The following ARL8A variants were observed in gnomAD, a reference collection of about 807,000 sequenced individuals.
ARL8A encodes ARF like GTPase 8A, also known as ADP-ribosylation factor-like protein 8A.
A neutral mutation model predicts 31.2 loss-of-function variants in ARL8A; 10 were observed. That is an observed-to-expected ratio of 0.32 (90% CI 0.20 to 0.54). ARL8A has a LOEUF of 0.54. Among genes scored for constraint, ARL8A ranks in the 20% least tolerant of loss-of-function variants. The probability of loss-of-function intolerance (pLI) is 0.93; values close to 1 mark genes in which losing one functional copy is unlikely to be tolerated. For missense variants in ARL8A, 129 were observed against 242.8 expected (o/e 0.53, Z 3.12); for synonymous variants, 70 against 86.9 (o/e 0.81, Z 1.08).
intron 3 of ARL8A, among the ~76,000 whole-genome samples, chr1:202,136,124 G>A (rs917364992): frequency 6.6e-6 from 1 of 152,112 alleles, no homozygotes; most frequent in Non-Finnish European, 1.5e-5. Flanking sequence ...ATGTTTTCAT[G>A]GAAAGACTAA....
In ARL8A at chr1:202,135,113, CCT is replaced by C. The variant is rs1654968927; in HGVS notation, c.511+35_511+36del. The C allele has an allele frequency of 6.3e-7, 1 of 1,579,698 alleles. No individual in the cohort carries two copies. The highest frequency in any genetic ancestry group is 1.3e-5 in the African/African-American group (1 of 74,122). ...AGAGCCACTAAAACACTCAGAAATG[CCT>C]CTCCCCTCTCCTCCCTTTCCCCCAT... On this transcript the variant is annotated intron_variant, in intron 6 of 6. Coordinates refer to ENST00000272217, the MANE Select transcript of ARL8A (RefSeq NM_138795.4). This position sits in a 1 kb window ranked among gnomAD's most constrained non-coding sequence, Gnocchi z 5.3.
In ARL8A at chr1:202,138,294, A is replaced by AACACACACACACACAC. The variant is rs10531175; in HGVS notation, c.204+58_204+73dup. Reference sequence around the variant, plus strand: ...CCCAGGGGCCTCCGTTGCCCTCCCCAACACACACACACACACACACACACA... The same window carrying AACACACACACACACAC: ...CCCAGGGGCCTCCGTTGCCCTCCCCAACACACACACACACACACACACACACACACACACACACACA... On this transcript the variant is annotated intron_variant, in intron 2 of 6. Transcript: ENST00000272217. This position sits in a 1 kb window ranked among gnomAD's most constrained non-coding sequence, Gnocchi z 4.4. The AACACACACACACACAC allele has an allele frequency of 8.4e-4, 1,130 of 1,337,738 alleles. 7 individuals carry two copies. The African/African-American group carries it at 0.015, about 18-fold the overall frequency. 82.9% of individuals were successfully genotyped at this position (1,337,738 alleles called of 1,614,324 possible). A position where few individuals can be genotyped will look rare whatever the true frequency, so the allele number is the denominator to read the frequency against.
Position 202,138,231 on chromosome 1 carries a change from G to C in ARL8A, c.204+137C>G. The C allele has an allele frequency of 1.7e-6, 2 of 1,185,464 alleles. No homozygotes were observed. The highest frequency in any genetic ancestry group is 2.4e-6 in the Non-Finnish European group (2 of 825,004). The allele number at this position is 1,185,464 out of a possible 1,614,324, so 73.4% of individuals were successfully genotyped here. ...ACTGTCTTTTCCCAGCTCCTCAGCA[G>C]GGGGACCCTGGCCTCTGCCCCACTT... On this transcript the variant is annotated intron_variant, in intron 2 of 6. Transcript: ENST00000272217. This position sits in a 1 kb window ranked among gnomAD's most constrained non-coding sequence, Gnocchi z 4.4.
chr1:202,143,724 C>T (rs546183572), intron 1 of ARL8A, among the ~76,000 whole-genome samples: 54 of 152,372 alleles, frequency 3.5e-4, no homozygotes, highest in Admixed American at 7.8e-4. Flanking sequence ...CCCCAGTGGG[C>T]CGTGCCCCTA....
Position 202,134,118 on chromosome 1 carries a change from C to T in ARL8A, c.*349G>A, listed in dbSNP as rs1409430763. On this transcript the variant is annotated 3_prime_UTR_variant, in exon 7 of 7. Transcript: ENST00000272217. The surrounding 1 kb of genome is among the most constrained non-coding windows in gnomAD (Gnocchi z 4.2). The stretch of plus-strand genomic sequence containing the variant: ...TATATATACATATATATACTGTACA[C>T]ACAGGACAATAACAGAGAGTGTTGA... The T allele has an allele frequency of 2.6e-5, 8 of 310,982 alleles. No homozygotes were observed. In the Admixed American group the frequency reaches 3.5e-4, roughly 14 times the overall value. The allele number at this position is 310,982 out of a possible 1,614,324, so 19.3% of individuals were successfully genotyped here.
At position 202,144,654 on chromosome 1, in the gene ARL8A, C is replaced by A; in HGVS notation, c.-82G>T. On this transcript the variant is annotated 5_prime_UTR_variant, in exon 1 of 7. Coordinates refer to ENST00000272217, the MANE Select transcript of ARL8A (RefSeq NM_138795.4). This position sits in a 1 kb window ranked among gnomAD's most constrained non-coding sequence, Gnocchi z 5.2. ...GCGCTGCGGCCCGGAGCGGCCCCTC[C>A]CCGGTACGGCCCGGGTCCCGCGGCT... 1 of 1,130,170 alleles carries A rather than the reference C, an allele frequency of 8.8e-7. No individual in the cohort carries two copies. The highest frequency in any genetic ancestry group is 1.1e-6 in the Non-Finnish European group (1 of 922,130). The allele number at this position is 1,130,170 out of a possible 1,614,324, so 70.0% of individuals were successfully genotyped here. A position where few individuals can be genotyped will look rare whatever the true frequency, so the allele number is the denominator to read the frequency against.
rs1384121415 is a variant in ARL8A at position 202,144,388 on chromosome 1, G to C, written c.123+62C>G. ...ACCCCGGCTCAGCAGGGCGCGGCGC[G>C]GGCGGGGACAGGCCCGACCCGCGGC... is the stretch of plus-strand genomic sequence containing the variant. On this transcript the variant is annotated intron_variant, in intron 1 of 6. Coordinates refer to ENST00000272217, the MANE Select transcript of ARL8A (RefSeq NM_138795.4). This position sits in a 1 kb window ranked among gnomAD's most constrained non-coding sequence, Gnocchi z 5.2. 3.8e-6 allele frequency: 4 copies of C among 1,042,268 alleles called. No homozygotes were observed. Among genetic ancestry groups the C allele is most frequent in the Non-Finnish European group, 4.6e-6 (4 of 862,038 alleles). The allele number at this position is 1,042,268 out of a possible 1,614,324, so 64.6% of individuals were successfully genotyped here.
At chr1:202,143,525 T>C (rs1655218805) in intron 1 of ARL8A, among the ~76,000 whole-genome samples, 1 of 152,220 alleles carries the variant, frequency 6.6e-6, no homozygotes, top group Admixed American at 6.5e-5. Flanking sequence ...CCACAAGCCC[T>C]GTCTAGCCTG....
At chr1:202,139,953 C>T (rs1418302700) in intron 1 of ARL8A, among the ~76,000 whole-genome samples, 2 of 152,048 alleles carry the variant, frequency 1.3e-5, no homozygotes. Context: ...CGGCCAAGCC[C>T]TGTTCCTTTA....
chr1:202,143,769 T>C (rs1655226117), intron 1 of ARL8A, among the ~76,000 whole-genome samples: 1 of 152,232 alleles, frequency 6.6e-6, no homozygotes, highest in African/African-American at 2.4e-5. Context: ...CACCTGCTCC[T>C]GCAAACTTCT....
rs1310818923 is a variant in ARL8A at position 202,137,910 on chromosome 1, A to G, written c.278+55T>C. On this transcript the variant is annotated intron_variant, in intron 3 of 6. Coordinates refer to ENST00000272217, the MANE Select transcript of ARL8A (RefSeq NM_138795.4). ...CGCCTCTGAGGTCCTCGAAGGTAGC[A>G]GGGCTAGGGGGGCCGGGTAAGGCTG... The G allele has an allele frequency of 1.9e-6, 3 of 1,597,528 alleles. No homozygotes were observed. In the Admixed American group the frequency reaches 5.1e-5, roughly 27 times the overall value.
rs746470459 is a variant in ARL8A, at chr1:202,135,725, A to C, written c.354T>G (p.Pro118=). The C allele has an allele frequency of 1.1e-5, 17 of 1,613,732 alleles. 1 individual carries two copies. Among genetic ancestry groups the C allele is most frequent in the South Asian group, 2.2e-5 (2 of 91,076 alleles). The change falls in exon 4 of 7, where the codon CCT becomes CCG. Residue 118 remains proline, a synonymous_variant. Coordinates refer to ENST00000272217, the MANE Select transcript of ARL8A (RefSeq NM_138795.4). This position sits in a 1 kb window ranked among gnomAD's most constrained non-coding sequence, Gnocchi z 5.3. The stretch of plus-strand genomic sequence containing the variant: ...TGCTGACCGGGATGCCCTGCAGCTG[A>C]GGTTTGTCCAGTAGGTTGTGGAGCT... ...KNELHNLLDK[P]QLQGIPVLVL...
At chr1:202,139,677 G>A (rs1204853357) in intron 1 of ARL8A, among the ~76,000 whole-genome samples, 9 of 105,974 alleles carry the variant, frequency 8.5e-5, no homozygotes, top group African/African-American at 3.0e-4. Flanking sequence ...ACAGAGTCTC[G>A]CTCTATGGCC....
At chr1:202,137,340 T>C (rs1655038211) in intron 3 of ARL8A, among the ~76,000 whole-genome samples, 2 of 152,074 alleles carry the variant, frequency 1.3e-5, no homozygotes, top group South Asian at 4.1e-4. Flanking sequence ...ACATTATTTT[T>C]AAAAAGCAAG....
In ARL8A at chr1:202,144,412, GCCCGCGCCCGGGGAC is replaced by G; in HGVS notation, c.123+23_123+37del. The G allele has an allele frequency of 4.5e-6, 6 of 1,322,848 alleles. No homozygotes were observed. Among genetic ancestry groups the G allele is most frequent in the Non-Finnish European group, 6.0e-6 (6 of 1,008,314 alleles). 81.9% of individuals were successfully genotyped at this position (1,322,848 alleles called of 1,614,324 possible). A position where few individuals can be genotyped will look rare whatever the true frequency, so the allele number is the denominator to read the frequency against. ...CGGGCGGGGACAGGCCCGACCCGCG[GCCCGCGCCCGGGGAC>G]CCCGCGCCCGACGCCCTCGTACCGC... On this transcript the variant is annotated intron_variant, in intron 1 of 6. Coordinates refer to ENST00000272217, the MANE Select transcript of ARL8A (RefSeq NM_138795.4). This position sits in a 1 kb window ranked among gnomAD's most constrained non-coding sequence, Gnocchi z 5.2.
At chr1:202,143,240 G>C (rs529805245) in intron 1 of ARL8A, among the ~76,000 whole-genome samples, 5 of 152,326 alleles carry the variant, frequency 3.3e-5, no homozygotes, top group African/African-American at 1.2e-4. Flanking sequence ...CGCCCCTCGA[G>C]CTTTCCATCT....
chr1:202,143,959 C>A (rs543532424), intron 1 of ARL8A, among the ~76,000 whole-genome samples: 118 of 152,336 alleles, frequency 7.7e-4, no homozygotes, highest in African/African-American at 2.5e-3. Flanking sequence ...CTTCCTCTTC[C>A]GGCAAGGAGG....
Position 202,144,505 on chromosome 1 carries a change from A to G in ARL8A, c.68T>C (p.Leu23Pro). The change falls in exon 1 of 7, where the codon CTC becomes CCC. Residue 23 changes from leucine (L) to proline (P), a missense_variant. Physicochemically the swap from Leu to Pro is moderately conservative, Grantham distance 98. Coordinates refer to ENST00000272217, the MANE Select transcript of ARL8A (RefSeq NM_138795.4). The surrounding 1 kb of genome is among the most constrained non-coding windows in gnomAD (Gnocchi z 5.2). ...KALFWKEEME[L>P]TLVGLQYSGK... ...CGAGTACTGAAGCCCGACCAGCGTG[A>G]GCTCCATCTCCTCCTTCCAGAATAG... is the stretch of plus-strand genomic sequence containing the variant. 1 of 1,484,312 alleles carries G rather than the reference A, an allele frequency of 6.7e-7. No individual in the cohort carries two copies. Among genetic ancestry groups the G allele is most frequent in the Non-Finnish European group, 9.1e-7 (1 of 1,099,572 alleles). The allele number at this position is 1,484,312 out of a possible 1,614,324, so 91.9% of individuals were successfully genotyped here. A position where few individuals can be genotyped will look rare whatever the true frequency, so the allele number is the denominator to read the frequency against.
chr1:202,136,398 A>G (rs1396978657), intron 3 of ARL8A, among the ~76,000 whole-genome samples: 1 of 149,856 alleles, frequency 6.7e-6, no homozygotes, highest in Non-Finnish European at 1.5e-5. Context: ...TCCTGCCTCA[A>G]CCTCCCAAGT....
Sources: gnomAD v4.1 joint callset for allele counts (sites outside exome capture counted in the v4.1 genomes callset) on GRCh38, gnomAD v4.1.1 for gene constraint, Gnocchi (gnomAD v3.1) non-coding constraint, MANE v1.5 for transcripts, NCBI Gene and HGNC (gene_info 2026-07-23, HGNC 2026-07-21) for gene names.